Variants in NUP93 observed in about 807,000 individuals in gnomAD.
NUP93 encodes nuclear pore complex protein Nup93.
NUP93 carries 55 observed loss-of-function variants against 107.8 expected under a neutral mutation model. The observed-to-expected ratio is 0.51, with a 90% CI of 0.41 to 0.64. The LOEUF is 0.64. Ranked by LOEUF, NUP93 falls within the 30% of genes least tolerant of loss-of-function variation. The probability of loss-of-function intolerance (pLI) is 0.00; values close to 1 mark genes in which losing one functional copy is unlikely to be tolerated. For synonymous variants in NUP93, 390 were observed against 397.5 expected (o/e 0.98, Z 0.22); for missense variants, 937 against 1,044.7 (o/e 0.90, Z 1.42).
At chr16:56,836,072 T>C (rs1444519761) in intron 16 of NUP93, among the ~76,000 whole-genome samples, 1 of 148,042 alleles carries the variant, frequency 6.8e-6, no homozygotes, top group Non-Finnish European at 1.5e-5. Context: ...GAGCTTGCAG[T>C]GAGCCGAGAT....
rs1421352708 is a variant in NUP93, at chr16:56,847,452, T to C, written c.*2843T>C. 1 of 152,200 alleles carries C rather than the reference T, an allele frequency of 6.6e-6. No individual in the cohort carries two copies. Among genetic ancestry groups the C allele is most frequent in the African/African-American group, 2.4e-5 (1 of 41,454 alleles). 9.4% of individuals were successfully genotyped at this position (152,200 alleles called of 1,614,324 possible). A position where few individuals can be genotyped will look rare whatever the true frequency, so the allele number is the denominator to read the frequency against. Reference sequence around the variant, plus strand: ...GAAAGTGGCACTAGGCGTCTTGTCTTCCAGATGTGAGATTTCGATCTTTCT... The same window carrying C: ...GAAAGTGGCACTAGGCGTCTTGTCTCCCAGATGTGAGATTTCGATCTTTCT... On this transcript the variant is annotated 3_prime_UTR_variant, in exon 22 of 22. Coordinates refer to ENST00000308159, the MANE Select transcript of NUP93 (RefSeq NM_014669.5).
At chr16:56,808,200 A>AGATT (rs1963201214) in intron 5 of NUP93, among the ~76,000 whole-genome samples, 4 of 123,776 alleles carry the variant, frequency 3.2e-5, no homozygotes, top group Non-Finnish European at 6.4e-5. Context: ...ATATAACTAT[A>AGATT]TAAAATATAT....
intron 1 of NUP93, among the ~76,000 whole-genome samples, chr16:56,746,997 A>ATTT (rs1261707762): frequency 7.0e-6 from 1 of 143,580 alleles, no homozygotes; most frequent in African/African-American, 2.5e-5. Context: ...TAGCAATGTA[A>ATTT]TTTTTTTTTT....
At chr16:56,798,975 A>G (rs1319776344) in intron 4 of NUP93, among the ~76,000 whole-genome samples, 2 of 152,064 alleles carry the variant, frequency 1.3e-5, no homozygotes, top group Non-Finnish European at 2.9e-5. Context: ...CTACAGAGAG[A>G]GTTCTACAGG....
chr16:56,734,504 C>T (rs1481041527), intron 1 of NUP93, among the ~76,000 whole-genome samples: 3 of 152,100 alleles, frequency 2.0e-5, no homozygotes, highest in African/African-American at 4.8e-5. Context: ...CTGTGAGTGA[C>T]GGGGGCTATT....
intron 5 of NUP93, among the ~76,000 whole-genome samples, chr16:56,808,241 T>TATAACTATAAAATATATA (rs1567398461): frequency 2.1e-5 from 2 of 96,072 alleles, no homozygotes; most frequent in Non-Finnish European, 3.7e-5. Flanking sequence ...TATATAGTTA[T>TATAACTATAAAATATATA]GTAACTATAT....
chr16:56,833,487 C>A, intron 13 of NUP93, 81 bp downstream of exon 13: 3 of 1,164,032 alleles, frequency 2.6e-6, no homozygotes, highest in East Asian at 2.8e-5. Flanking sequence ...AAACCACAAC[C>A]AATAAGGATT....
chr16:56,774,754 A>G (rs1962382170), intron 3 of NUP93, among the ~76,000 whole-genome samples: 1 of 152,162 alleles, frequency 6.6e-6, no homozygotes, highest in Non-Finnish European at 1.5e-5. Context: ...CTGAGGCATG[A>G]GGTGGATGAT....
intron 2 of NUP93, among the ~76,000 whole-genome samples, chr16:56,752,453 TTA>T (rs1961939760): frequency 6.6e-6 from 1 of 152,152 alleles, no homozygotes; most frequent in Non-Finnish European, 1.5e-5. Flanking sequence ...CCAGGACATA[TTA>T]TTAGGTAAAA....
intron 21 of NUP93, 44 bp downstream of exon 21, chr16:56,841,877 T>C: frequency 6.2e-7 from 1 of 1,608,914 alleles, no homozygotes; most frequent in Non-Finnish European, 8.5e-7. Context: ...AGCACCACCT[T>C]TCTGGTTTGG....
intron 12 of NUP93, 41 bp downstream of exon 12, chr16:56,832,429 A>G: frequency 2.0e-6 from 3 of 1,475,254 alleles, no homozygotes; most frequent in African/African-American, 1.4e-5. Context: ...TCTCTTGTCC[A>G]CTTAAGGTGA....
chr16:56,839,928 G>A (rs2304477), intron 20 of NUP93: 50,412 of 303,920 alleles, frequency 0.17, 4,629 homozygotes, highest in East Asian at 0.3. Flanking sequence ...GGGTATTTTA[G>A]TGCTTAACTC....
At chr16:56,730,959 T>C (rs1281755990) in intron 1 of NUP93, among the ~76,000 whole-genome samples, 2 of 152,198 alleles carry the variant, frequency 1.3e-5, no homozygotes, top group African/African-American at 4.8e-5. Flanking sequence ...CCGAGTTGTC[T>C]TTCAGCAAAA....
chr16:56,818,782 T>C, intron 6 of NUP93, 44 bp downstream of exon 6: 1 of 1,539,716 alleles, frequency 6.5e-7, no homozygotes, highest in Non-Finnish European at 9.0e-7. Context: ...AAATCCTTTG[T>C]GAACCTCTAG....
rs865813749 is a variant in NUP93 at position 56,749,548 on chromosome 16, G to A, written c.179+1122G>A. On this transcript the variant is annotated intron_variant, in intron 2 of 21. Transcript: ENST00000308159. ...TGTGCAGGAAATATGGAAAATTGTC[G>A]GTCATCTCCTCAGTCTTCATCCCTT... Among the ~76,000 whole-genome samples, 8 of 152,230 alleles carry A rather than the reference G, an allele frequency of 5.3e-5. 1 individual carries two copies. Among genetic ancestry groups the A allele is most frequent in the African/African-American group, 7.2e-5 (3 of 41,550 alleles).
chr16:56,821,406 G>T (rs1192960949), intron 6 of NUP93, 98 bp from the exon 7 acceptor site: 5 of 780,952 alleles, frequency 6.4e-6, no homozygotes, highest in African/African-American at 3.4e-5. Context: ...GGAAGGAAAG[G>T]TTGGCCGAAG....
At chr16:56,808,717 A>C (rs1596823937) in intron 5 of NUP93, among the ~76,000 whole-genome samples, 1 of 34,686 alleles carries the variant, frequency 2.9e-5, no homozygotes, top group Admixed American at 4.5e-4. Flanking sequence ...ACATATATAA[A>C]TATATATAAA....
chr16:56,793,094 AGCAGTGTCTG>A (rs2144544321), intron 3 of NUP93, among the ~76,000 whole-genome samples: 1 of 152,328 alleles, frequency 6.6e-6, no homozygotes, highest in Non-Finnish European at 1.5e-5. Flanking sequence ...AATTGCCTAG[AGCAGTGTCTG>A]GCCCTTAATT....
At chr16:56,833,089 A>C in intron 12 of NUP93, 126 bp from the exon 13 acceptor site, 1 of 767,686 alleles carries the variant, frequency 1.3e-6, no homozygotes, top group Non-Finnish European at 2.1e-6. Flanking sequence ...ATTCAGACTC[A>C]ATCTGGTGCT....
Sources: gnomAD v4.1 joint callset for allele counts (sites outside exome capture counted in the v4.1 genomes callset) on GRCh38, gnomAD v4.1.1 for gene constraint, MANE v1.5 for transcripts, NCBI Gene and HGNC (gene_info 2026-07-23, HGNC 2026-07-21) for gene names.